Variants in PPARGC1A observed in about 807,000 individuals in gnomAD.
PPARGC1A encodes PPARG coactivator 1 alpha.
In PPARGC1A, 25 loss-of-function variants were observed where a neutral mutation model predicts 88.7. The ratio of observed to expected loss-of-function variants is 0.28; its 90% CI spans 0.21 to 0.39. The LOEUF (loss-of-function observed/expected upper bound fraction) is 0.39. Among genes scored for constraint, PPARGC1A ranks in the 10% least tolerant of loss-of-function variants. The probability of loss-of-function intolerance (pLI) is 1.00; values close to 1 mark genes in which losing one functional copy is unlikely to be tolerated. For missense variants in PPARGC1A, 880 were observed against 968.7 expected (o/e 0.91, Z 1.22); for synonymous variants, 363 against 355.6 (o/e 1.02, Z -0.24).
At chr4:24,029,632 TC>T in the PPARGC1A span, among the ~76,000 whole-genome samples, 1 of 152,124 alleles carries the variant, frequency 6.6e-6, no homozygotes, top group Non-Finnish European at 1.5e-5. Flanking sequence ...CAGACTTGAT[TC>T]CCCTTCTCCA....
the PPARGC1A span, among the ~76,000 whole-genome samples, chr4:24,007,217 GCTCT>G: frequency 1.3e-5 from 2 of 151,960 alleles, no homozygotes; most frequent in Admixed American, 6.6e-5. Flanking sequence ...TGCCCATCTC[GCTCT>G]CTCTCTTTCC....
At chr4:24,450,395 G>A in the PPARGC1A span, among the ~76,000 whole-genome samples, 1 of 152,206 alleles carries the variant, frequency 6.6e-6, no homozygotes, top group South Asian at 2.1e-4. Flanking sequence ...TCAGAAAGCT[G>A]AGGATTAGTA....
At chr4:24,416,780 C>T in the PPARGC1A span, among the ~76,000 whole-genome samples, 5 of 152,158 alleles carry the variant, frequency 3.3e-5, no homozygotes, top group Non-Finnish European at 5.9e-5. Context: ...CCTGTAATCC[C>T]GGCACTTTTG....
chr4:24,266,239 T>G, the PPARGC1A span, among the ~76,000 whole-genome samples: 7 of 152,252 alleles, frequency 4.6e-5, no homozygotes, highest in East Asian at 1.4e-3. Context: ...AGTGAATAAG[T>G]TGCAGTCTCC....
At chr4:23,865,092 G>A (rs1424060971) in intron 2 of PPARGC1A, among the ~76,000 whole-genome samples, 2 of 152,144 alleles carry the variant, frequency 1.3e-5, no homozygotes, top group African/African-American at 2.4e-5. Flanking sequence ...GGCTGAGGCA[G>A]GAGAATCACT....
the PPARGC1A span, among the ~76,000 whole-genome samples, chr4:24,206,103 G>A: frequency 2.6e-5 from 4 of 152,254 alleles, no homozygotes; most frequent in Admixed American, 2.6e-4. Context: ...AATCACCTGG[G>A]TCTTTTATGC....
the PPARGC1A span, among the ~76,000 whole-genome samples, chr4:24,272,727 G>A: frequency 6.6e-6 from 1 of 152,106 alleles, no homozygotes; most frequent in Non-Finnish European, 1.5e-5. Flanking sequence ...TACTGTTTCA[G>A]GTAAAATATT....
At chr4:24,136,660 C>G in the PPARGC1A span, among the ~76,000 whole-genome samples, 1 of 152,138 alleles carries the variant, frequency 6.6e-6, no homozygotes, top group Non-Finnish European at 1.5e-5. Flanking sequence ...GTTAAACAGC[C>G]TTTCCCAGCC....
At chr4:23,799,958 G>T (rs575140210) in intron 12 of PPARGC1A, among the ~76,000 whole-genome samples, 1 of 152,160 alleles carries the variant, frequency 6.6e-6, no homozygotes, top group Non-Finnish European at 1.5e-5. Context: ...CAAATGACTT[G>T]CCACATTCTA....
At chr4:24,066,296 A>G in the PPARGC1A span, among the ~76,000 whole-genome samples, 2 of 152,122 alleles carry the variant, frequency 1.3e-5, no homozygotes, top group Non-Finnish European at 1.5e-5. Context: ...TAAAATAGTC[A>G]TTTGTTTTCT....
the PPARGC1A span, among the ~76,000 whole-genome samples, chr4:24,051,951 A>C: frequency 2.1e-5 from 3 of 144,962 alleles, no homozygotes; most frequent in Admixed American, 1.4e-4. Flanking sequence ...AAAAAAAAAA[A>C]CTAAAAAGTA....
At chr4:24,092,298 AC>A in the PPARGC1A span, among the ~76,000 whole-genome samples, 2 of 151,962 alleles carry the variant, frequency 1.3e-5, no homozygotes, top group South Asian at 2.1e-4. Flanking sequence ...GTTTGAATGA[AC>A]TCCTCAAACT....
the PPARGC1A span, among the ~76,000 whole-genome samples, chr4:24,239,067 A>C: frequency 2.0e-5 from 3 of 152,176 alleles, no homozygotes; most frequent in Non-Finnish European, 2.9e-5. Flanking sequence ...TTAGTATAAT[A>C]AGTTGGATAT....
chr4:23,844,376 T>A (rs1727623029), intron 2 of PPARGC1A, among the ~76,000 whole-genome samples: 1 of 135,188 alleles, frequency 7.4e-6, no homozygotes, highest in South Asian at 2.2e-4. Flanking sequence ...ATATTATAGA[T>A]TATAATATGA....
the PPARGC1A span, among the ~76,000 whole-genome samples, chr4:24,001,041 C>A: frequency 6.6e-6 from 1 of 152,122 alleles, no homozygotes; most frequent in Non-Finnish European, 1.5e-5. Context: ...TTACACTTTC[C>A]TTTTTATCCC....
chr4:24,255,593 C>T, the PPARGC1A span, among the ~76,000 whole-genome samples: 2 of 152,214 alleles, frequency 1.3e-5, no homozygotes, highest in Admixed American at 1.3e-4. Context: ...TGGGAACCCT[C>T]CTTGCTGATG....
the PPARGC1A span, among the ~76,000 whole-genome samples, chr4:24,470,776 C>G: frequency 6.6e-6 from 1 of 151,588 alleles, no homozygotes; most frequent in Non-Finnish European, 1.5e-5. The surrounding 1 kb of genome is among the most constrained non-coding windows in gnomAD (Gnocchi z 5.8). Flanking sequence ...CTGCTGCTGC[C>G]GCGGCGGCGG....
intron 10 of PPARGC1A, among the ~76,000 whole-genome samples, chr4:23,808,600 A>G (rs781238817): frequency 1.7e-4 from 26 of 152,188 alleles, no homozygotes; most frequent in Non-Finnish European, 3.4e-4. Context: ...GAGTCCCAAT[A>G]TAACCTGAAT....
chr4:24,464,816 C>T, the PPARGC1A span, among the ~76,000 whole-genome samples: 5 of 152,210 alleles, frequency 3.3e-5, no homozygotes, highest in Non-Finnish European at 7.3e-5. Flanking sequence ...ATCTCCTCCC[C>T]TGCCCGCTTC....
Sources: allele counts gnomAD v4.1 joint callset (sites outside exome capture counted in the v4.1 genomes callset), GRCh38; gene constraint gnomAD v4.1.1; non-coding constraint Gnocchi (gnomAD v3.1); transcripts MANE v1.5; gene names NCBI Gene and HGNC (gene_info 2026-07-23, HGNC 2026-07-21).